Variants in NRL observed in about 807,000 individuals in gnomAD.
NRL encodes neural retina leucine zipper, also known as neural retina-specific leucine zipper protein.
A neutral mutation model predicts 12.5 loss-of-function variants in NRL; 16 were observed. The ratio of observed to expected loss-of-function variants is 1.28; its 90% CI spans 0.87 to 1.95. NRL has a LOEUF of 1.95. Among genes scored for constraint, NRL ranks in the 30% most tolerant of loss-of-function variants. NRL has a pLI of 0.00. For missense variants in NRL, 314 were observed against 325.8 expected (o/e 0.96, Z 0.28); for synonymous variants, 142 against 150.9 (o/e 0.94, Z 0.43).
intron 1 of NRL, chr14:24,103,287 T>C (rs2037240404): frequency 6.5e-7 from 1 of 1,537,524 alleles, no homozygotes; most frequent in Non-Finnish European, 9.0e-7. Flanking sequence ...CCCTCTCCTG[T>C]GTGTGCACAC....
chr14:24,099,666 TG>T (rs2037074262), intron 1 of NRL: 1 of 1,614,138 alleles, frequency 6.2e-7, no homozygotes, highest in Non-Finnish European at 8.5e-7. Context: ...ACTGCCAGGC[TG>T]GAAAGTGGAG....
chr14:24,094,750 C>T lies in NRL; in HGVS notation c.-27-11875G>A. On this transcript the variant is annotated intron_variant, in intron 1 of 2. Coordinates refer to ENST00000561028, the MANE Select transcript of NRL (RefSeq NM_001354768.3). The surrounding 1 kb of genome is among the most constrained non-coding windows in gnomAD (Gnocchi z 4.1). ...CTGCTGAGCCAGGTCTCCGCATATC[C>T]TCCTTTCCTTCCCAGATACCTCCCT... 1 of 1,464,412 alleles carries T rather than the reference C, an allele frequency of 6.8e-7. No individual in the cohort carries two copies. Among genetic ancestry groups the T allele is most frequent in the Non-Finnish European group, 9.1e-7 (1 of 1,101,384 alleles). 90.7% of individuals were successfully genotyped at this position (1,464,412 alleles called of 1,614,324 possible). A position where few individuals can be genotyped will look rare whatever the true frequency, so the allele number is the denominator to read the frequency against.
At chr14:24,101,477 C>A (rs143943855) in intron 1 of NRL, among the ~76,000 whole-genome samples, 12 of 152,320 alleles carry the variant, frequency 7.9e-5, no homozygotes, top group African/African-American at 2.9e-4. Context: ...TTAGTCCCAA[C>A]CCCCCTCCAG....
intron 1 of NRL, chr14:24,100,627 A>T (rs1329458010): frequency 9.9e-7 from 1 of 1,014,326 alleles, no homozygotes; most frequent in Non-Finnish European, 1.2e-6. Flanking sequence ...TACAGAAGGT[A>T]TTGGGCTCCA....
In NRL at chr14:24,081,221, G is replaced by A. The variant is rs1476281882; in HGVS notation, c.*15C>T. On this transcript the variant is annotated 3_prime_UTR_variant, in exon 3 of 3. Transcript: ENST00000561028. This position sits in a 1 kb window ranked among gnomAD's most constrained non-coding sequence, Gnocchi z 4.4. ...CCACCCAGCCCCCACTACACCACAA[G>A]GTGCTCTGAACGGCTCAGAGGAAGA... 2 of 1,449,756 alleles carry A rather than the reference G, an allele frequency of 1.4e-6. No individual in the cohort carries two copies. Among genetic ancestry groups the A allele is most frequent in the South Asian group, 2.9e-5 (2 of 69,066 alleles). 89.8% of individuals were successfully genotyped at this position (1,449,756 alleles called of 1,614,324 possible).
chr14:24,095,081 CGTCCTGTTTGTCTGCCT>C (rs1275505202), intron 1 of NRL: 14 of 456,146 alleles, frequency 3.1e-5, no homozygotes, highest in African/African-American at 1.6e-4. Flanking sequence ...CCCCCAGGCT[CGTCCTGTTTGTCTGCCT>C]GTCCTCTTAG....
Position 24,081,242 on chromosome 14 carries a change from G to A in NRL, c.708C>T (p.Phe236=), listed in dbSNP as rs779058464. The change falls in exon 3 of 3, where the codon TTC becomes TTT. Residue 236 remains phenylalanine (F), a synonymous_variant. Transcript: ENST00000561028. The surrounding 1 kb of genome is among the most constrained non-coding windows in gnomAD (Gnocchi z 4.4). ...ACAAGGTGCTCTGAACGGCTCAGAG[G>A]AAGAGGTGGGAGGGGTCCCCGGACC... ...GPGSGDPSHL[F]L is the part of the protein sequence containing the mutation. 4.7e-6 allele frequency: 7 copies of A among 1,494,464 alleles called. No homozygotes were observed. Among genetic ancestry groups the A allele is most frequent in the Non-Finnish European group, 6.3e-6 (7 of 1,119,598 alleles). The allele number at this position is 1,494,464 out of a possible 1,614,324, so 92.6% of individuals were successfully genotyped here.
rs138960895 is a variant in NRL at position 24,100,074 on chromosome 14, C to T, written c.-28+14648G>A. 1.5e-4 allele frequency: 235 copies of T among 1,612,954 alleles called. 1 individual carries two copies. In the African/African-American group the frequency reaches 2.9e-3, roughly 20 times the overall value. On this transcript the variant is annotated intron_variant, in intron 1 of 2. Transcript: ENST00000561028. ...CCTCTGCCACCACCAATCCCAACGC[C>T]ATGGCTACAATCCAGAGTAACACTA...
chr14:24,098,678 G>A lies in NRL; in HGVS notation c.-27-15803C>T, dbSNP rs773385825. ...CGTGGGCCAGCCCCTGACAGGACAAGGTAAGCACCTGCTCTGCCCCAAGGG... is the reference window on the plus strand; with the variant it reads ...CGTGGGCCAGCCCCTGACAGGACAAAGTAAGCACCTGCTCTGCCCCAAGGG... On this transcript the variant is annotated intron_variant, in intron 1 of 2. Coordinates refer to ENST00000561028, the MANE Select transcript of NRL (RefSeq NM_001354768.3). 116 of 1,612,732 alleles carry A rather than the reference G, an allele frequency of 7.2e-5. No individual in the cohort carries two copies. Among genetic ancestry groups the A allele is most frequent in the Non-Finnish European group, 9.3e-5 (110 of 1,179,398 alleles).
At chr14:24,102,701 T>C (rs1157777285) in intron 1 of NRL, 3 of 1,541,416 alleles carry the variant, frequency 1.9e-6, no homozygotes, top group African/African-American at 1.4e-5. Context: ...TATGTGTGTG[T>C]TGGGGGTCGA....
intron 1 of NRL, among the ~76,000 whole-genome samples, chr14:24,088,565 C>T (rs552471376): frequency 1.3e-5 from 2 of 152,158 alleles, no homozygotes; most frequent in Admixed American, 6.5e-5. Context: ...CCTTCCAGGC[C>T]ATTGTGAAGT....
rs752109623 is a variant in NRL at position 24,099,624 on chromosome 14, G to A, written c.-28+15098C>T. ...GGCAGCCGCCTTCCCTAGTGCCTGT[G>A]GCAAGACCAACCTGGCTATGATGCG... On this transcript the variant is annotated intron_variant, in intron 1 of 2. Transcript: ENST00000561028. The A allele has an allele frequency of 6.2e-7, 1 of 1,614,024 alleles. No individual in the cohort carries two copies. Among genetic ancestry groups the A allele is most frequent in the East Asian group, 2.2e-5 (1 of 44,888 alleles).
At position 24,098,744 on chromosome 14, in the gene NRL, C is replaced by A. The variant is rs535724945; in HGVS notation, c.-27-15869G>T. The A allele has an allele frequency of 3.7e-6, 5 of 1,356,698 alleles. No homozygotes were observed. The South Asian group carries it at 6.0e-5, about 16-fold the overall frequency. 84.0% of individuals were successfully genotyped at this position (1,356,698 alleles called of 1,614,324 possible). On this transcript the variant is annotated intron_variant, in intron 1 of 2. Transcript: ENST00000561028. ...CTTGTACTCAGAGGAAATCCCAAAT[C>A]CTACCTCTCCACAGACCCTAAGAAC...
chr14:24,081,332 G>T lies in NRL; in HGVS notation c.618C>A (p.Ala206=). Residue 206 remains alanine (A), a synonymous_variant, in exon 3 of 3, where the codon GCC becomes GCA. Coordinates refer to ENST00000561028, the MANE Select transcript of NRL (RefSeq NM_001354768.3). The surrounding 1 kb of genome is among the most constrained non-coding windows in gnomAD (Gnocchi z 4.4). The part of the protein sequence containing the change: ...AQLDALRAEV[A]RLARERDLYK... ...AGAGATCGCGCTCCCGGGCCAGGCG[G>T]GCCACCTCGGCCCGCAGCGCGTCCA... The T allele has an allele frequency of 6.8e-7, 1 of 1,474,544 alleles. No individual in the cohort carries two copies. Among genetic ancestry groups the T allele is most frequent in the Non-Finnish European group, 9.0e-7 (1 of 1,111,164 alleles). The allele number at this position is 1,474,544 out of a possible 1,614,324, so 91.3% of individuals were successfully genotyped here. A position where few individuals can be genotyped will look rare whatever the true frequency, so the allele number is the denominator to read the frequency against.
At chr14:24,107,831 T>C (rs1014139355) in intron 1 of NRL, among the ~76,000 whole-genome samples, 1 of 152,248 alleles carries the variant, frequency 6.6e-6, no homozygotes, top group African/African-American at 2.4e-5. Flanking sequence ...CATTACCCTA[T>C]GGTATTGTTT....
At chr14:24,105,308 C>A (rs747702565) in intron 1 of NRL, among the ~76,000 whole-genome samples, 3 of 152,238 alleles carry the variant, frequency 2.0e-5, no homozygotes, top group African/African-American at 2.4e-5. Flanking sequence ...GAACCCACAA[C>A]CTTCCAGTGT....
intron 1 of NRL, chr14:24,099,362 G>A (rs1316095931): frequency 2.8e-6 from 3 of 1,078,618 alleles, no homozygotes; most frequent in Admixed American, 5.4e-5. Context: ...TCTACTTGAA[G>A]GCCCAAAGCT....
chr14:24,113,686 G>A (rs921954180), intron 1 of NRL, among the ~76,000 whole-genome samples: 14 of 152,206 alleles, frequency 9.2e-5, no homozygotes, highest in Non-Finnish European at 4.4e-5. Context: ...AAGCGCAGAG[G>A]CCATCAAAGC....
rs1311999858 is a variant in NRL at position 24,079,453 on chromosome 14, G to C, written c.*1783C>G. Among the ~76,000 whole-genome samples the C allele has an allele frequency of 2.0e-5, 3 of 152,238 alleles. No homozygotes were observed. Among genetic ancestry groups the C allele is most frequent in the Non-Finnish European group, 4.4e-5 (3 of 68,044 alleles). ...AAAGGTTCTGTGAGCCCCTCAGAGA[G>C]AGAATCCAGAGCCAGAGAGGATGGC... On this transcript the variant is annotated 3_prime_UTR_variant, in exon 3 of 3. Transcript: ENST00000561028.
Sources: allele counts gnomAD v4.1 joint callset (sites outside exome capture counted in the v4.1 genomes callset), GRCh38; gene constraint gnomAD v4.1.1; non-coding constraint Gnocchi (gnomAD v3.1); transcripts MANE v1.5; gene names NCBI Gene and HGNC (gene_info 2026-07-23, HGNC 2026-07-21).